Variants in ATP1B1 observed in about 807,000 individuals in gnomAD.
ATP1B1 encodes sodium/potassium-transporting ATPase subunit beta-1.
A neutral mutation model predicts 39.6 loss-of-function variants in ATP1B1; 3 were observed. The observed-to-expected ratio is 0.08, with a 90% CI of 0.03 to 0.20. ATP1B1 has a LOEUF of 0.20. Among genes scored for constraint, ATP1B1 ranks in the 10% least tolerant of loss-of-function variants. The probability of loss-of-function intolerance (pLI) is 1.00; values close to 1 mark genes in which losing one functional copy is unlikely to be tolerated. For missense variants in ATP1B1, 216 were observed against 371.1 expected (o/e 0.58, Z 3.43); for synonymous variants, 139 against 135.0 (o/e 1.03, Z -0.20).
chr1:169,129,742 T>G (rs1379720718), intron 4 of ATP1B1, among the ~76,000 whole-genome samples: 1 of 152,282 alleles, frequency 6.6e-6, no homozygotes, highest in African/African-American at 2.4e-5. Context: ...AATGGGCTAC[T>G]ATTAAAAGTT....
At chr1:169,130,780 A>AG (rs913510141) in intron 5 of ATP1B1, among the ~76,000 whole-genome samples, 4 of 14,446 alleles carry the variant, frequency 2.8e-4, no homozygotes, top group African/African-American at 6.6e-4. Flanking sequence ...AGACTATCTC[A>AG]AAAAAAAAAA....
Position 169,106,762 on chromosome 1 carries a change from A to G in ATP1B1, c.-68A>G, listed in dbSNP as rs528004462. 7.9e-5 allele frequency: 105 copies of G among 1,329,346 alleles called. 2 individuals carry two copies. The South Asian group carries it at 1.3e-3, about 17-fold the overall frequency. 82.3% of individuals were successfully genotyped at this position (1,329,346 alleles called of 1,614,324 possible). ...AGGCCGGAGAAGCCGAGCGGCGCAG[A>G]GGACGCCAGGGCGCGCGCCGCAGCC... is the stretch of plus-strand genomic sequence containing the variant. On this transcript the variant is annotated 5_prime_UTR_variant, in exon 1 of 6. Coordinates refer to ENST00000367815, the MANE Select transcript of ATP1B1 (RefSeq NM_001677.4).
intron 2 of ATP1B1, among the ~76,000 whole-genome samples, chr1:169,122,776 C>T (rs1658007994): frequency 6.9e-5 from 4 of 58,134 alleles, no homozygotes; most frequent in Admixed American, 4.8e-4. Context: ...TTTTTAATTG[C>T]GATAGAGTCT....
chr1:169,110,528 T>C (rs1657704232), intron 1 of ATP1B1: 1 of 739,662 alleles, frequency 1.4e-6, no homozygotes, highest in Non-Finnish European at 1.9e-6. Flanking sequence ...TGTAAACCAG[T>C]AACTGATAGC....
chr1:169,114,816 G>A (rs1397409257), intron 2 of ATP1B1, among the ~76,000 whole-genome samples: 1 of 151,970 alleles, frequency 6.6e-6, no homozygotes, highest in East Asian at 1.9e-4. Flanking sequence ...TTGAAGGCAG[G>A]GGTTCAAGAC....
In ATP1B1 at chr1:169,131,727, A is replaced by G. The variant is rs897849847; in HGVS notation, c.*172A>G. 1.4e-5 allele frequency: 11 copies of G among 766,724 alleles called. No individual in the cohort carries two copies. The highest frequency in any genetic ancestry group is 2.2e-5 in the Non-Finnish European group (11 of 509,918). 47.5% of individuals were successfully genotyped at this position (766,724 alleles called of 1,614,324 possible). On this transcript the variant is annotated 3_prime_UTR_variant, in exon 6 of 6. Coordinates refer to ENST00000367815, the MANE Select transcript of ATP1B1 (RefSeq NM_001677.4). This position sits in a 1 kb window ranked among gnomAD's most constrained non-coding sequence, Gnocchi z 4.4. ...GTTAGAATGTAAATTAAAGTGTAGCAATAGCAACAAAATATTTATTCTACT... is the reference window on the plus strand; with the variant it reads ...GTTAGAATGTAAATTAAAGTGTAGCGATAGCAACAAAATATTTATTCTACT...
At chr1:169,120,321 C>T (rs1372832159) in intron 2 of ATP1B1, among the ~76,000 whole-genome samples, 2 of 152,076 alleles carry the variant, frequency 1.3e-5, no homozygotes, top group Non-Finnish European at 2.9e-5. Context: ...CTGGAAATGA[C>T]GTTTGGATCA....
intron 2 of ATP1B1, among the ~76,000 whole-genome samples, chr1:169,115,644 T>C (rs1185390146): frequency 1.3e-5 from 2 of 152,140 alleles, no homozygotes; most frequent in African/African-American, 4.8e-5. Flanking sequence ...CCACCGCACC[T>C]GGTCCAGGGT....
Position 169,131,220 on chromosome 1 carries a change from A to C in ATP1B1, c.649-72A>C, listed in dbSNP as rs1488307675. On this transcript the variant is annotated intron_variant, in intron 5 of 5. Coordinates refer to ENST00000367815, the MANE Select transcript of ATP1B1 (RefSeq NM_001677.4). The surrounding 1 kb of genome is among the most constrained non-coding windows in gnomAD (Gnocchi z 4.4). ...AGTTTGCAAACTACTGTGTAGATTG[A>C]GTCTTGTTTTTGAGTACACATAGTG... 10 of 1,415,722 alleles carry C rather than the reference A, an allele frequency of 7.1e-6. No homozygotes were observed. The highest frequency in any genetic ancestry group is 9.4e-6 in the Non-Finnish European group (10 of 1,067,550). 87.7% of individuals were successfully genotyped at this position (1,415,722 alleles called of 1,614,324 possible).
chr1:169,121,465 A>C (rs1657979410), intron 2 of ATP1B1, among the ~76,000 whole-genome samples: 1 of 152,162 alleles, frequency 6.6e-6, no homozygotes, highest in Non-Finnish European at 1.5e-5. Flanking sequence ...GAAACCGTGG[A>C]CTTGACATTG....
chr1:169,118,082 A>T (rs1249767249), intron 2 of ATP1B1, among the ~76,000 whole-genome samples: 2 of 152,250 alleles, frequency 1.3e-5, no homozygotes, highest in African/African-American at 2.4e-5. Context: ...GAGAATAAGC[A>T]CAATTATGAG....
At chr1:169,110,591 T>TTTTTTTTTG in intron 1 of ATP1B1, 1 of 1,149,818 alleles carries the variant, frequency 8.7e-7, no homozygotes, top group Admixed American at 3.5e-5. Context: ...TTTTTTGCTT[T>TTTTTTTTTG]TGCAGCTATT....
At chr1:169,124,383 T>C (rs1658046066) in intron 2 of ATP1B1, among the ~76,000 whole-genome samples, 2 of 152,222 alleles carry the variant, frequency 1.3e-5, no homozygotes, top group African/African-American at 4.8e-5. Context: ...GGAATGGTTA[T>C]ACATTTACTG....
intron 2 of ATP1B1, among the ~76,000 whole-genome samples, chr1:169,116,051 A>G (rs762068639): frequency 1.3e-5 from 2 of 152,204 alleles, no homozygotes; most frequent in African/African-American, 2.4e-5. Context: ...AGGCACGCAC[A>G]CCCACGTGCA....
At chr1:169,110,592 TG>T in intron 1 of ATP1B1, 1 of 1,145,874 alleles carries the variant, frequency 8.7e-7, no homozygotes, top group South Asian at 1.5e-5. Flanking sequence ...TTTTTGCTTT[TG>T]CAGCTATTTC....
chr1:169,126,594 C>A (rs1658090951), intron 3 of ATP1B1, among the ~76,000 whole-genome samples: 1 of 151,808 alleles, frequency 6.6e-6, no homozygotes, highest in Admixed American at 6.5e-5. Flanking sequence ...GCCTGTAGTC[C>A]CAGCTACTCA....
intron 1 of ATP1B1, among the ~76,000 whole-genome samples, chr1:169,110,883 G>A (rs752191995): frequency 2.0e-5 from 3 of 152,112 alleles, no homozygotes; most frequent in Non-Finnish European, 4.4e-5. Flanking sequence ...TAACCCTCAG[G>A]CATCTGAGCA....
intron 2 of ATP1B1, among the ~76,000 whole-genome samples, chr1:169,120,805 T>C (rs986098531): frequency 1.3e-4 from 19 of 151,824 alleles, no homozygotes; most frequent in Admixed American, 1.0e-3. Flanking sequence ...TTATTTCTTA[T>C]TTGCCCCGTC....
At chr1:169,121,371 T>G (rs552175808) in intron 2 of ATP1B1, among the ~76,000 whole-genome samples, 4 of 152,322 alleles carry the variant, frequency 2.6e-5, no homozygotes, top group African/African-American at 9.6e-5. Flanking sequence ...CCTTATCATT[T>G]TGTTAGTAAA....
Sources: allele counts gnomAD v4.1 joint callset (sites outside exome capture counted in the v4.1 genomes callset), GRCh38; gene constraint gnomAD v4.1.1; non-coding constraint Gnocchi (gnomAD v3.1); transcripts MANE v1.5; gene names NCBI Gene and HGNC (gene_info 2026-07-23, HGNC 2026-07-21).